Variants in MLLT10 observed in about 807,000 individuals in gnomAD.
MLLT10 encodes MLLT10 histone lysine methyltransferase DOT1L cofactor.
MLLT10 carries 30 observed loss-of-function variants against 129.1 expected under a neutral mutation model. The observed-to-expected ratio is 0.23, with a 90% confidence interval of 0.17 to 0.32. The LOEUF is 0.32. Ranked by LOEUF, MLLT10 falls within the 10% of genes least tolerant of loss-of-function variation. The pLI, the probability that MLLT10 is intolerant of heterozygous loss-of-function variation, is 1.00. For missense variants in MLLT10, 1,119 were observed against 1,268.3 expected, an observed-to-expected ratio of 0.88 and a Z score of 1.79; for synonymous variants, 490 against 446.4, an observed-to-expected ratio of 1.10 and a Z score of -1.23.
intron 8 of MLLT10, among the ~76,000 whole-genome samples, chr10:21,638,116 G>A (rs2047628760): frequency 1.3e-5 from 2 of 152,034 alleles, no homozygotes; most frequent in Admixed American, 6.5e-5. Flanking sequence ...TTGGTGGGGA[G>A]AATACCTTTT....
chr10:21,601,877 A>G (rs2043567910), intron 5 of MLLT10, among the ~76,000 whole-genome samples: 1 of 151,938 alleles, frequency 6.6e-6, no homozygotes, highest in Admixed American at 6.6e-5. Flanking sequence ...TTTAATATTT[A>G]TTTGGCTTCT....
At chr10:21,577,902 A>G (rs1174387517) in intron 3 of MLLT10, among the ~76,000 whole-genome samples, 1 of 151,528 alleles carries the variant, frequency 6.6e-6, no homozygotes, top group Non-Finnish European at 1.5e-5. Context: ...TTTTCATTAT[A>G]TTATTTTTTT....
At chr10:21,675,991 C>A (rs2052051164) in intron 11 of MLLT10, among the ~76,000 whole-genome samples, 1 of 151,836 alleles carries the variant, frequency 6.6e-6, no homozygotes, top group Non-Finnish European at 1.5e-5. Flanking sequence ...ACTCCTGTGG[C>A]AGAAAAAAAG....
At chr10:21,596,125 A>T (rs1026105940) in intron 5 of MLLT10, among the ~76,000 whole-genome samples, 1 of 152,128 alleles carries the variant, frequency 6.6e-6, no homozygotes, top group African/African-American at 2.4e-5. Context: ...TTATTTTGTA[A>T]TTAATATTTA....
chr10:21,712,042 A>C (rs1186610430), intron 13 of MLLT10, among the ~76,000 whole-genome samples: 2 of 152,190 alleles, frequency 1.3e-5, no homozygotes, highest in African/African-American at 2.4e-5. Flanking sequence ...GAATGAATGC[A>C]TTGGCTAAAT....
chr10:21,731,084 A>C (rs772739194), intron 17 of MLLT10, 30 bp downstream of exon 17: 2 of 1,576,696 alleles, frequency 1.3e-6, no homozygotes, highest in African/African-American at 2.7e-5. Flanking sequence ...TATGTGAATC[A>C]AGACAGATGG....
intron 13 of MLLT10, among the ~76,000 whole-genome samples, chr10:21,684,766 G>C (rs2053118098): frequency 6.6e-6 from 1 of 152,110 alleles, no homozygotes; most frequent in African/African-American, 2.4e-5. Context: ...ATGGCATGTG[G>C]AGTTTTTCTT....
intron 3 of MLLT10, among the ~76,000 whole-genome samples, chr10:21,576,399 C>G (rs1367945669): frequency 1.3e-5 from 2 of 151,694 alleles, no homozygotes; most frequent in Admixed American, 1.3e-4. Flanking sequence ...CCCGCCACCA[C>G]GCCCGGCTAA....
chr10:21,578,099 T>C (rs1388367687), intron 3 of MLLT10, among the ~76,000 whole-genome samples: 2 of 152,074 alleles, frequency 1.3e-5, no homozygotes, highest in Non-Finnish European at 2.9e-5. Flanking sequence ...TTCACCATGA[T>C]GGCCAGGCTA....
At chr10:21,733,388 A>C (rs955260095) in intron 18 of MLLT10, 116 bp from the exon 19 acceptor site, 51 of 638,008 alleles carry the variant, frequency 8.0e-5, no homozygotes, top group Non-Finnish European at 9.6e-5. Context: ...GCAAGACTAG[A>C]TATTTAAGTG....
At chr10:21,621,464 C>G (rs539701235) in intron 8 of MLLT10, among the ~76,000 whole-genome samples, 8 of 152,184 alleles carry the variant, frequency 5.3e-5, no homozygotes, top group Admixed American at 1.3e-4. Flanking sequence ...CCAGGATGGT[C>G]TGGATCTCCT....
chr10:21,650,962 G>GT (rs1455705857), intron 8 of MLLT10, among the ~76,000 whole-genome samples: 27 of 152,092 alleles, frequency 1.8e-4, no homozygotes, highest in Admixed American at 1.7e-3. Flanking sequence ...GGAAAATCTG[G>GT]TACTGTTCAG....
chr10:21,726,337 T>C lies in MLLT10; in HGVS notation c.1972T>C (p.Ser658Pro), dbSNP rs763605874. 4.3e-6 allele frequency: 7 copies of C among 1,610,614 alleles called. No homozygotes were observed. The South Asian group carries it at 6.6e-5, about 15-fold the overall frequency. ...NSSMAALIAQ[S>P]ENNQTDQDLG... ...ATCAATGGCAGCTCTTATAGCTCAG[T>C]CTGAAAACAATCAAACAGGTAAGTT... The change falls in exon 15 of 23, where the codon TCT (serine) becomes CCT (proline). Residue 658 changes from serine (S) to proline (P), a missense_variant. Physicochemically the swap from Ser to Pro is moderately conservative, Grantham distance 74. Coordinates refer to ENST00000307729, the MANE Select transcript of MLLT10 (RefSeq NM_001195626.3).
At chr10:21,667,439 G>A (rs1451268440) in intron 9 of MLLT10, among the ~76,000 whole-genome samples, 1 of 142,868 alleles carries the variant, frequency 7.0e-6, no homozygotes, top group African/African-American at 2.6e-5. Flanking sequence ...TTTTTTGTTC[G>A]TTTGTTTTGA....
At chr10:21,614,797 T>C in intron 6 of MLLT10, 34 bp from the exon 7 acceptor site, 1 of 1,551,654 alleles carries the variant, frequency 6.4e-7, no homozygotes. Flanking sequence ...GTGATTTTAG[T>C]ATATCAATAA....
At chr10:21,711,855 C>CT (rs763121015) in intron 13 of MLLT10, among the ~76,000 whole-genome samples, 47 of 152,222 alleles carry the variant, frequency 3.1e-4, no homozygotes, top group Admixed American at 3.9e-4. Context: ...TTAGATACCT[C>CT]TTTTTCTGTG....
intron 21 of MLLT10, among the ~76,000 whole-genome samples, chr10:21,736,398 C>CCTCA (rs1301433573): frequency 3.9e-5 from 6 of 152,218 alleles, no homozygotes; most frequent in Non-Finnish European, 2.9e-5. Context: ...GATCCTCCTG[C>CCTCA]CTCAGCCTCC....
intron 5 of MLLT10, among the ~76,000 whole-genome samples, chr10:21,602,718 T>C (rs1254665246): frequency 6.6e-6 from 1 of 152,080 alleles, no homozygotes; most frequent in East Asian, 1.9e-4. Flanking sequence ...TGGAGTTTTT[T>C]CCTTTATCTA....
At chr10:21,690,424 T>A (rs1564653751) in intron 13 of MLLT10, among the ~76,000 whole-genome samples, 2 of 152,110 alleles carry the variant, frequency 1.3e-5, no homozygotes, top group African/African-American at 2.4e-5. Flanking sequence ...AAAAATAGAT[T>A]TCCCCCCAAA....
Sources: gnomAD v4.1 joint callset for allele counts (sites outside exome capture counted in the v4.1 genomes callset) on GRCh38, gnomAD v4.1.1 for gene constraint, MANE v1.5 for transcripts, NCBI Gene and HGNC (gene_info 2026-07-23, HGNC 2026-07-21) for gene names.